The following RAB3IL1 variants were observed in gnomAD, a reference collection of about 807,000 sequenced individuals.
RAB3IL1 encodes the protein guanine nucleotide exchange factor for Rab-3A.
Under a neutral mutation model 49.2 loss-of-function variants are expected in RAB3IL1, and 37 were observed. The observed-to-expected ratio is 0.75, with a 90% confidence interval of 0.58 to 0.99. RAB3IL1 has a LOEUF of 0.99. Ranked by LOEUF, RAB3IL1 falls within the 50% of genes least tolerant of loss-of-function variation. The pLI, the probability that RAB3IL1 is intolerant of heterozygous loss-of-function variation, is 0.00. For synonymous variants in RAB3IL1, 193 were observed against 213.9 expected (o/e 0.90, Z 0.85); for missense variants, 484 against 513.0 (o/e 0.94, Z 0.55).
chr11:61,905,484 G>A (rs936604132), intron 5 of RAB3IL1, among the ~76,000 whole-genome samples: 2 of 152,200 alleles, frequency 1.3e-5, no homozygotes, highest in African/African-American at 4.8e-5. Context: ...GAGGTGAACC[G>A]CCTTGCTGGG....
chr11:61,911,898 C>G (rs1939468594), intron 1 of RAB3IL1, among the ~76,000 whole-genome samples: 1 of 152,158 alleles, frequency 6.6e-6, no homozygotes, highest in South Asian at 2.1e-4. Flanking sequence ...CCACCAGGCC[C>G]ACCCTAGGAG....
Position 61,898,262 on chromosome 11 carries a change from A to G in RAB3IL1, c.*16T>C, listed in dbSNP as rs574192533. 2 of 1,610,690 alleles carry G rather than the reference A, an allele frequency of 1.2e-6. No homozygotes were observed. Among genetic ancestry groups the G allele is most frequent in the South Asian group, 2.2e-5 (2 of 91,062 alleles). On this transcript the variant is annotated 3_prime_UTR_variant, in exon 10 of 10. Coordinates refer to ENST00000394836, the MANE Select transcript of RAB3IL1 (RefSeq NM_013401.4). This position sits in a 1 kb window ranked among gnomAD's most constrained non-coding sequence, Gnocchi z 5.1. ...TTGCTCTGTCTCAGAGCTCCCCTTC[A>G]GGCCTGGGCCGCGCCCTAAGCCTCC...
intron 8 of RAB3IL1, among the ~76,000 whole-genome samples, chr11:61,900,272 C>T (rs1938837815): frequency 6.6e-6 from 1 of 152,246 alleles, no homozygotes; most frequent in African/African-American, 2.4e-5. Context: ...TGCACACAAT[C>T]TCCAGGTGAG....
rs1464034646 is a variant in RAB3IL1, at chr11:61,906,856, A to G, written c.439-172T>C. The stretch of plus-strand genomic sequence containing the variant: ...AGAGACCCAGACACTCGTTTTACAC[A>G]TAGGGAAACTGAGGCTCACAGAGGC... On this transcript the variant is annotated intron_variant, in intron 4 of 9. Transcript: ENST00000394836. The surrounding 1 kb of genome is among the most constrained non-coding windows in gnomAD (Gnocchi z 4.6). 1.3e-5 allele frequency among the ~76,000 whole-genome samples: 2 copies of G among 152,302 alleles called. No individual in the cohort carries two copies. Among genetic ancestry groups the G allele is most frequent in the East Asian group, 3.9e-4 (2 of 5,182 alleles).
chr11:61,912,526 G>A (rs992150464), intron 1 of RAB3IL1, among the ~76,000 whole-genome samples: 1 of 152,220 alleles, frequency 6.6e-6, no homozygotes, highest in Non-Finnish European at 1.5e-5. Context: ...CACTCCACAG[G>A]TGTCATGGCC....
chr11:61,944,344 T>G, the RAB3IL1 span, among the ~76,000 whole-genome samples: 1 of 151,914 alleles, frequency 6.6e-6, no homozygotes, highest in African/African-American at 2.4e-5. Flanking sequence ...TGATCATAGC[T>G]CACTGCAGCC....
chr11:61,907,962 G>A (rs998098414), intron 2 of RAB3IL1, 92 bp downstream of exon 2: 3 of 1,506,420 alleles, frequency 2.0e-6, no homozygotes, highest in Middle Eastern at 3.5e-4. Flanking sequence ...CCTCTCCCTT[G>A]GGCACATCTC....
the RAB3IL1 span, among the ~76,000 whole-genome samples, chr11:61,946,224 C>A: frequency 6.6e-6 from 1 of 152,146 alleles, no homozygotes; most frequent in African/African-American, 2.4e-5. Flanking sequence ...AGGCAGCATC[C>A]AGGCCTGGCT....
intron 1 of RAB3IL1, among the ~76,000 whole-genome samples, chr11:61,915,715 T>C (rs1251321670): frequency 6.6e-6 from 1 of 151,984 alleles, no homozygotes; most frequent in Non-Finnish European, 1.5e-5. Flanking sequence ...ACAAATACAC[T>C]AGTGGCCTTC....
At chr11:61,915,711 AC>A (rs1052565952) in intron 1 of RAB3IL1, among the ~76,000 whole-genome samples, 27 of 152,146 alleles carry the variant, frequency 1.8e-4, no homozygotes, top group African/African-American at 6.5e-4. Flanking sequence ...GCCAACAAAT[AC>A]ACTAGTGGCC....
chr11:61,942,572 C>G, the RAB3IL1 span, among the ~76,000 whole-genome samples: 22 of 152,124 alleles, frequency 1.4e-4, no homozygotes, highest in Non-Finnish European at 2.9e-5. Flanking sequence ...CTGCACCTGG[C>G]AAATTATGAC....
At chr11:61,943,346 G>A in the RAB3IL1 span, among the ~76,000 whole-genome samples, 47 of 152,146 alleles carry the variant, frequency 3.1e-4, no homozygotes, top group African/African-American at 1.1e-3. Context: ...CTCAAAATAG[G>A]TCAAATTCCT....
In RAB3IL1 at chr11:61,898,291, G is replaced by C. The variant is rs768169036; in HGVS notation, c.1136C>G (p.Pro379Arg). 5 of 1,613,252 alleles carry C rather than the reference G, an allele frequency of 3.1e-6. No homozygotes were observed. The highest frequency in any genetic ancestry group is 1.7e-5 in the Admixed American group (1 of 60,012). The change falls in exon 10 of 10, where the codon CCC (proline) becomes CGC (arginine). Residue 379 changes from proline to arginine, a missense_variant. Pro to Arg is a moderately radical substitution (Grantham distance 103). Transcript: ENST00000394836. This position sits in a 1 kb window ranked among gnomAD's most constrained non-coding sequence, Gnocchi z 5.1. Reference protein sequence around the residue: ...EMSLAKLGFFPQEA With the variant: ...EMSLAKLGFFRQEA ...CTGGGCCGCGCCCTAAGCCTCCTGGGGGAAGAAGCCGAGCTTGGCCAGTGA... is the reference window on the plus strand; with the variant it reads ...CTGGGCCGCGCCCTAAGCCTCCTGGCGGAAGAAGCCGAGCTTGGCCAGTGA...
At chr11:61,941,862 C>A in the RAB3IL1 span, among the ~76,000 whole-genome samples, 1 of 152,170 alleles carries the variant, frequency 6.6e-6, no homozygotes, top group East Asian at 1.9e-4. Flanking sequence ...GATTATACAT[C>A]GTGTCCATGT....
chr11:61,934,468 A>G, the RAB3IL1 span, among the ~76,000 whole-genome samples: 1,696 of 52,158 alleles, frequency 0.033, 121 homozygotes, highest in African/African-American at 0.085. Flanking sequence ...ATATATATAT[A>G]TATATATATA....
In RAB3IL1 at chr11:61,906,624, C is replaced by G; in HGVS notation, c.499G>C (p.Ala167Pro). 1 of 1,611,748 alleles carries G rather than the reference C, an allele frequency of 6.2e-7. No homozygotes were observed. The highest frequency in any genetic ancestry group is 1.3e-5 in the African/African-American group (1 of 74,980). Residue 167 changes from alanine to proline, a missense_variant, in exon 5 of 10, where the codon GCC becomes CCC. Transcript: ENST00000394836. The surrounding 1 kb of genome is among the most constrained non-coding windows in gnomAD (Gnocchi z 4.6). ...LKTLVITSTP[A>P]SPNRELHPQL... ...GGGTGAAGCTCGCGGTTGGGAGAGG[C>G]TGGTGTGGACGTGATGACCAGCGTC...
chr11:61,904,883 C>T lies in RAB3IL1; in HGVS notation c.658-1G>A, dbSNP rs763475551. 6.3e-7 allele frequency: 1 copy of T among 1,586,990 alleles called. No homozygotes were observed. Among genetic ancestry groups the T allele is most frequent in the Admixed American group, 1.7e-5 (1 of 57,792 alleles). The stretch of plus-strand genomic sequence containing the variant: ...ACTCTGCAAACAGGATTGTGTCCAC[C>T]TGTGGGGGAGGGCAAGCGAGGGTGG... On this transcript the variant is annotated splice_acceptor_variant, in intron 5 of 9. Coordinates refer to ENST00000394836, the MANE Select transcript of RAB3IL1 (RefSeq NM_013401.4). LOFTEE classifies it high-confidence loss of function.
At position 61,906,072 on chromosome 11, in the gene RAB3IL1, G is replaced by C. The variant is rs1939167398; in HGVS notation, c.657+394C>G. Among the ~76,000 whole-genome samples the C allele has an allele frequency of 6.6e-6, 1 of 151,242 alleles. No individual in the cohort carries two copies. The highest frequency in any genetic ancestry group is 1.5e-5 in the Non-Finnish European group (1 of 68,000). ...GGTGGTCCTGGGGCTCGAGGCTGTGGCCACACGGGGTCCAGGCAGCCTCTC... is the reference window on the plus strand; with the variant it reads ...GGTGGTCCTGGGGCTCGAGGCTGTGCCCACACGGGGTCCAGGCAGCCTCTC... On this transcript the variant is annotated intron_variant, in intron 5 of 9. Coordinates refer to ENST00000394836, the MANE Select transcript of RAB3IL1 (RefSeq NM_013401.4). This position sits in a 1 kb window ranked among gnomAD's most constrained non-coding sequence, Gnocchi z 4.6.
chr11:61,907,982 G>GA, intron 2 of RAB3IL1, 72 bp downstream of exon 2: 1 of 1,533,104 alleles, frequency 6.5e-7, no homozygotes, highest in South Asian at 1.2e-5. Context: ...CTGGGCACCT[G>GA]ATGAGAGCCC....
Sources: gnomAD v4.1 joint callset for allele counts (sites outside exome capture counted in the v4.1 genomes callset) on GRCh38, gnomAD v4.1.1 for gene constraint, Gnocchi (gnomAD v3.1) non-coding constraint, MANE v1.5 for transcripts, NCBI Gene and HGNC (gene_info 2026-07-23, HGNC 2026-07-21) for gene names.